The following FSHR variants were observed in gnomAD, a reference collection of about 807,000 sequenced individuals.
FSHR encodes the protein follicle-stimulating hormone receptor.
A neutral mutation model predicts 52.1 loss-of-function variants in FSHR; 46 were observed. The ratio of observed to expected loss-of-function variants is 0.88; its 90% confidence interval spans 0.70 to 1.13. The LOEUF (loss-of-function observed/expected upper bound fraction) is 1.13, where lower values mean the gene tolerates loss of function less well. Among genes scored for constraint, FSHR ranks in the 50% most tolerant of loss-of-function variants. FSHR has a pLI of 0.00. For synonymous variants in FSHR, 399 were observed against 309.6 expected, an observed-to-expected ratio of 1.29 and a Z score of -3.03; for missense variants, 964 against 834.6, an observed-to-expected ratio of 1.16 and a Z score of -1.91.
At chr2:49,150,498 T>G (rs1673024210) in intron 1 of FSHR, among the ~76,000 whole-genome samples, 1 of 152,074 alleles carries the variant, frequency 6.6e-6, no homozygotes, top group South Asian at 2.1e-4. Context: ...TGAGAGATAT[T>G]GTGCAAAGTG....
At chr2:49,030,298 G>A (rs1006940913) in intron 2 of FSHR, among the ~76,000 whole-genome samples, 8 of 113,648 alleles carry the variant, frequency 7.0e-5, no homozygotes, top group Non-Finnish European at 1.6e-4. Flanking sequence ...GTGTGTGTGT[G>A]TGTGTGTGTG....
intron 1 of FSHR, among the ~76,000 whole-genome samples, chr2:49,069,276 C>T (rs914474641): frequency 1.3e-5 from 2 of 152,154 alleles, no homozygotes; most frequent in Admixed American, 6.6e-5. Context: ...CAGGTTCCTT[C>T]TGGCTTAATG....
chr2:49,074,519 ATGT>A (rs1309930152), intron 1 of FSHR, among the ~76,000 whole-genome samples: 7 of 152,114 alleles, frequency 4.6e-5, no homozygotes, highest in Admixed American at 1.3e-4. Flanking sequence ...AAAATAACAA[ATGT>A]TGGTGAGGAT....
intron 1 of FSHR, 119 bp downstream of exon 1, chr2:49,154,147 T>A: frequency 8.9e-7 from 1 of 1,122,978 alleles, no homozygotes; most frequent in Non-Finnish European, 1.3e-6. Flanking sequence ...TATTCAGGAC[T>A]TCGGTCAAGG....
At chr2:49,076,218 C>T (rs1316686740) in intron 1 of FSHR, among the ~76,000 whole-genome samples, 2 of 152,144 alleles carry the variant, frequency 1.3e-5, no homozygotes, top group African/African-American at 4.8e-5. Context: ...TAAAGACATA[C>T]TCAAGACTGG....
intron 2 of FSHR, 117 bp from the exon 3 acceptor site, chr2:49,020,277 C>T: frequency 1.1e-6 from 1 of 877,758 alleles, no homozygotes; most frequent in African/African-American, 1.7e-5. Flanking sequence ...AAACTCCTTT[C>T]CTGCCATTAA....
chr2:48,968,587 G>T, intron 9 of FSHR, 111 bp downstream of exon 9: 3 of 1,286,412 alleles, frequency 2.3e-6, no homozygotes, highest in Non-Finnish European at 2.2e-6. Flanking sequence ...AAGGGCTTGA[G>T]ACAGGGAACT....
intron 4 of FSHR, among the ~76,000 whole-genome samples, chr2:49,009,702 T>G (rs1667201995): frequency 6.7e-6 from 1 of 148,734 alleles, no homozygotes; most frequent in Non-Finnish European, 1.5e-5. Context: ...TTTTATTTCC[T>G]TGAGCAGTGG....
chr2:49,070,065 G>A (rs142013362), intron 1 of FSHR, among the ~76,000 whole-genome samples: 160 of 152,256 alleles, frequency 1.1e-3, no homozygotes, highest in African/African-American at 3.5e-3. Context: ...AACCCTGTGT[G>A]CTGTTGCTGC....
At chr2:49,042,807 G>C (rs59548500) in intron 2 of FSHR, among the ~76,000 whole-genome samples, 6,033 of 152,258 alleles carry the variant, frequency 0.04, 392 homozygotes, top group African/African-American at 0.14. Flanking sequence ...GCCTGAAGAT[G>C]TGGCATATTT....
At chr2:49,139,595 AG>A (rs1169412062) in intron 1 of FSHR, among the ~76,000 whole-genome samples, 1 of 134,854 alleles carries the variant, frequency 7.4e-6, no homozygotes, top group Non-Finnish European at 1.5e-5. Context: ...TTAACTTCCA[AG>A]AATTTTTTTT....
intron 1 of FSHR, among the ~76,000 whole-genome samples, chr2:49,100,205 G>C (rs1040139515): frequency 6.6e-6 from 1 of 152,114 alleles, no homozygotes; most frequent in African/African-American, 2.4e-5. Flanking sequence ...TAGCTATATA[G>C]AAGGTGGTAG....
intron 4 of FSHR, 137 bp downstream of exon 4, chr2:49,017,352 C>T: frequency 1.5e-6 from 1 of 651,778 alleles, no homozygotes; most frequent in Non-Finnish European, 2.8e-6. Flanking sequence ...CCAAGTATCT[C>T]TCCACCTCCA....
intron 1 of FSHR, among the ~76,000 whole-genome samples, chr2:49,079,575 G>A (rs1393812744): frequency 1.3e-5 from 2 of 152,028 alleles, no homozygotes; most frequent in Non-Finnish European, 1.5e-5. Context: ...AAAATAAAGA[G>A]CACGGAAATA....
At chr2:48,992,243 ATACATATAGC>A (rs1483590154) in intron 4 of FSHR, among the ~76,000 whole-genome samples, 1 of 152,146 alleles carries the variant, frequency 6.6e-6, no homozygotes, top group African/African-American at 2.4e-5. Flanking sequence ...GCTAAGACAA[ATACATATAGC>A]TACGTAACCA....
At position 48,974,658 on chromosome 2, in the gene FSHR, C is replaced by T. The variant is rs1922473; in HGVS notation, c.669-5775G>A. On this transcript the variant is annotated intron_variant, in intron 8 of 9. Transcript: ENST00000406846. ...AAGCTTACTGTCTGAAGTGATCAAA[C>T]ATGGAACCTGTCAAGACTTCCAAAT... 4.4e-3 allele frequency among the ~76,000 whole-genome samples: 676 copies of T among 152,296 alleles called. 7 individuals carry two copies. The highest frequency in any genetic ancestry group is 0.015 in the African/African-American group (619 of 41,566).
chr2:49,028,920 G>T (rs1034740447), intron 2 of FSHR, among the ~76,000 whole-genome samples: 4 of 152,210 alleles, frequency 2.6e-5, no homozygotes, highest in African/African-American at 7.2e-5. Context: ...TTTGGAGTTT[G>T]TTGTCATCTG....
intron 8 of FSHR, among the ~76,000 whole-genome samples, chr2:48,978,152 G>A (rs1362819876): frequency 1.3e-5 from 2 of 152,194 alleles, no homozygotes; most frequent in African/African-American, 4.8e-5. Context: ...TGCATGGGTA[G>A]GAGGGTAGTA....
At chr2:49,093,530 A>G (rs1192205700) in intron 1 of FSHR, among the ~76,000 whole-genome samples, 1 of 151,446 alleles carries the variant, frequency 6.6e-6, no homozygotes, top group Non-Finnish European at 1.5e-5. Context: ...TTGTGTTTAC[A>G]TGGCATGGCA....
Sources: allele counts gnomAD v4.1 joint callset (sites outside exome capture counted in the v4.1 genomes callset), GRCh38; gene constraint gnomAD v4.1.1; transcripts MANE v1.5; gene names NCBI Gene and HGNC (gene_info 2026-07-23, HGNC 2026-07-21).